Variants in R3HDM2 observed in about 807,000 individuals in gnomAD.
R3HDM2 encodes R3H domain-containing protein 2.
Under a neutral mutation model 124.5 loss-of-function variants are expected in R3HDM2, and 38 were observed. That is an observed-to-expected ratio of 0.31 (90% confidence interval 0.24 to 0.40). The LOEUF is 0.40. Among genes scored for constraint, R3HDM2 ranks in the 10% least tolerant of loss-of-function variants. The pLI is 1.00. For missense variants in R3HDM2, 869 were observed against 1,236.9 expected, an observed-to-expected ratio of 0.70 and a Z score of 4.46; for synonymous variants, 391 against 448.0, an observed-to-expected ratio of 0.87 and a Z score of 1.61.
intron 2 of R3HDM2, among the ~76,000 whole-genome samples, chr12:57,366,347 A>T (rs1043287457): frequency 2.0e-5 from 3 of 152,092 alleles, no homozygotes; most frequent in African/African-American, 7.2e-5. Context: ...TACATTTTGC[A>T]TTAAGTTTCA....
At chr12:57,354,147 G>A (rs1368867439) in intron 2 of R3HDM2, among the ~76,000 whole-genome samples, 1 of 151,996 alleles carries the variant, frequency 6.6e-6, no homozygotes, top group Non-Finnish European at 1.5e-5. Context: ...GGGATTACAG[G>A]CGTGAGCCAC....
intron 13 of R3HDM2, among the ~76,000 whole-genome samples, chr12:57,281,562 T>G (rs2046144878): frequency 6.6e-6 from 1 of 151,882 alleles, no homozygotes; most frequent in Non-Finnish European, 1.5e-5. Flanking sequence ...CTTGGCTCAC[T>G]GCAACCTCCA....
rs777937633 is a variant in R3HDM2, at chr12:57,268,264, A to G, written c.2030+39T>C. The G allele has an allele frequency of 2.6e-5, 41 of 1,601,166 alleles. No homozygotes were observed. The Middle Eastern group carries it at 5.0e-4, about 20-fold the overall frequency. On this transcript the variant is annotated intron_variant, in intron 18 of 23. Coordinates refer to ENST00000402412, the MANE Select transcript of R3HDM2 (RefSeq NM_001394031.1). ...ATGATGCAACTGTTGCTGAAGGTCT[A>G]TGGGAGATGTCCTGTCCTGGCTCTC... is the stretch of plus-strand genomic sequence containing the variant.
chr12:57,416,218 T>C (rs1371410407), intron 1 of R3HDM2, among the ~76,000 whole-genome samples: 2 of 151,990 alleles, frequency 1.3e-5, no homozygotes, highest in East Asian at 3.8e-4. Flanking sequence ...GTGTGTGTAC[T>C]ATGTATGTAG....
Position 57,254,616 on chromosome 12 carries a change from G to A in R3HDM2, c.*157C>T, listed in dbSNP as rs2038354851. 1.5e-6 allele frequency: 1 copy of A among 661,050 alleles called. No homozygotes were observed. Among genetic ancestry groups the A allele is most frequent in the East Asian group, 2.9e-5 (1 of 34,394 alleles). The allele number at this position is 661,050 out of a possible 1,614,324, so 40.9% of individuals were successfully genotyped here. Reference sequence around the variant, plus strand: ...GGGAGCAAGAAGGAGTCCAATGCCAGTGTAGGTATCTGTGTTTCCATCTTC... The same window carrying A: ...GGGAGCAAGAAGGAGTCCAATGCCAATGTAGGTATCTGTGTTTCCATCTTC... On this transcript the variant is annotated 3_prime_UTR_variant, in exon 24 of 24. Transcript: ENST00000402412.
At chr12:57,333,649 G>C (rs776838928) in intron 2 of R3HDM2, among the ~76,000 whole-genome samples, 12 of 151,974 alleles carry the variant, frequency 7.9e-5, no homozygotes, top group African/African-American at 2.7e-4. Flanking sequence ...CTGAGATTGC[G>C]CCACTGCAGC....
chr12:57,283,649 G>C (rs2046680939), intron 13 of R3HDM2, among the ~76,000 whole-genome samples, 175 bp downstream of exon 13: 1 of 152,036 alleles, frequency 6.6e-6, no homozygotes, highest in Admixed American at 6.6e-5. Flanking sequence ...TGAGGCAGGA[G>C]AATCACTTGA....
chr12:57,361,048 C>CAAAAAAAAAAAAAAA (rs35437591), intron 2 of R3HDM2, among the ~76,000 whole-genome samples: 3 of 60,040 alleles, frequency 5.0e-5, no homozygotes, highest in African/African-American at 1.8e-4. Context: ...AGACACGTCT[C>CAAAAAAAAAAAAAAA]AAAAAAAAAA....
intron 10 of R3HDM2, among the ~76,000 whole-genome samples, chr12:57,292,985 C>T (rs565485026): frequency 2.7e-5 from 4 of 148,710 alleles, no homozygotes; most frequent in South Asian, 4.2e-4. Flanking sequence ...CAGTAAGGAT[C>T]GAGAAAATAG....
In R3HDM2 at chr12:57,294,162, G is replaced by A. The variant is rs1319534097; in HGVS notation, c.810+1237C>T. The stretch of plus-strand genomic sequence containing the variant: ...TGTGTTTAGAACACAGCCTAGTTCA[G>A]GGAAAACACTCAATAAGATAGCAAT... On this transcript the variant is annotated intron_variant, in intron 10 of 23. Transcript: ENST00000402412. Among the ~76,000 whole-genome samples the A allele has an allele frequency of 3.9e-5, 6 of 152,166 alleles. No individual in the cohort carries two copies. The East Asian group carries it at 1.2e-3, about 29-fold the overall frequency.
In R3HDM2 at chr12:57,393,557, T is replaced by C. The variant is rs187228333; in HGVS notation, c.-36+2192A>G. 2.4e-3 allele frequency among the ~76,000 whole-genome samples: 366 copies of C among 152,112 alleles called. 1 individual carries two copies. Among genetic ancestry groups the C allele is most frequent in the Admixed American group, 6.2e-3 (95 of 15,278 alleles). ...AAAAAGAAAAAAGAATGAAGAAAAA[T>C]GAACAAAGTCTGAGAGACCTGTGGG... On this transcript the variant is annotated intron_variant, in intron 2 of 23. Coordinates refer to ENST00000402412, the MANE Select transcript of R3HDM2 (RefSeq NM_001394031.1).
chr12:57,342,686 T>C (rs1182194899), intron 2 of R3HDM2, among the ~76,000 whole-genome samples: 1 of 152,228 alleles, frequency 6.6e-6, no homozygotes, highest in Non-Finnish European at 1.5e-5. Flanking sequence ...GAATAACAAG[T>C]TGGAAATATG....
At chr12:57,405,306 T>A (rs2139129238) in intron 1 of R3HDM2, among the ~76,000 whole-genome samples, 1 of 152,332 alleles carries the variant, frequency 6.6e-6, no homozygotes, top group African/African-American at 2.4e-5. Flanking sequence ...CTTTTGTAAT[T>A]TGAAAAATGC....
At chr12:57,388,367 T>C (rs2066168795) in intron 2 of R3HDM2, among the ~76,000 whole-genome samples, 1 of 152,080 alleles carries the variant, frequency 6.6e-6, no homozygotes, top group Non-Finnish European at 1.5e-5. Context: ...ACCAAGACAG[T>C]TGTAGGTAAA....
At chr12:57,407,660 C>T (rs2139195021) in intron 1 of R3HDM2, among the ~76,000 whole-genome samples, 1 of 152,282 alleles carries the variant, frequency 6.6e-6, no homozygotes, top group African/African-American at 2.4e-5. Context: ...CCGCCTCGGC[C>T]TCCCAAAGTG....
intron 4 of R3HDM2, among the ~76,000 whole-genome samples, chr12:57,301,576 T>C (rs905997394): frequency 2.6e-5 from 4 of 152,216 alleles, no homozygotes; most frequent in Non-Finnish European, 5.9e-5. Flanking sequence ...GTCTTACTTA[T>C]CCCAAAAAAT....
Position 57,303,156 on chromosome 12 carries a change from G to A in R3HDM2, c.207+20C>T, listed in dbSNP as rs2051653832. The A allele has an allele frequency of 6.7e-7, 1 of 1,487,984 alleles. No homozygotes were observed. The highest frequency in any genetic ancestry group is 1.4e-5 in the African/African-American group (1 of 71,488). The allele number at this position is 1,487,984 out of a possible 1,614,324, so 92.2% of individuals were successfully genotyped here. Reference sequence around the variant, plus strand: ...TATTACTAATAACATTAGAAAAGAAGCTAGAGGAAGGGCTCTCACCTTGGC... The same window carrying A: ...TATTACTAATAACATTAGAAAAGAAACTAGAGGAAGGGCTCTCACCTTGGC... On this transcript the variant is annotated intron_variant, in intron 4 of 23. Coordinates refer to ENST00000402412, the MANE Select transcript of R3HDM2 (RefSeq NM_001394031.1).
chr12:57,299,326 G>C (rs1019970624), intron 6 of R3HDM2, 26 bp downstream of exon 6: 2 of 1,537,384 alleles, frequency 1.3e-6, no homozygotes, highest in African/African-American at 2.8e-5. Flanking sequence ...CCCTAGAACA[G>C]ATGAGAGATG....
intron 2 of R3HDM2, among the ~76,000 whole-genome samples, chr12:57,392,863 G>A (rs2066914768): frequency 6.7e-6 from 1 of 148,730 alleles, no homozygotes; most frequent in African/African-American, 2.5e-5. Flanking sequence ...GGAGTGCAGT[G>A]GCACGATTTT....
Sources: allele counts gnomAD v4.1 joint callset (sites outside exome capture counted in the v4.1 genomes callset), GRCh38; gene constraint gnomAD v4.1.1; transcripts MANE v1.5; gene names NCBI Gene and HGNC (gene_info 2026-07-23, HGNC 2026-07-21).